Variants in MEI4 observed in about 807,000 individuals in gnomAD.
MEI4 encodes the protein meiosis-specific protein MEI4.
MEI4 carries 27 observed loss-of-function variants against 31.4 expected under a neutral mutation model. That is an observed-to-expected ratio of 0.86 (90% CI 0.63 to 1.19). The LOEUF is 1.19. Ranked by LOEUF, MEI4 falls within the 50% of genes most tolerant of loss-of-function variation. The pLI, the probability that MEI4 is intolerant of heterozygous loss-of-function variation, is 0.00. For synonymous variants in MEI4, 122 were observed against 145.4 expected, an observed-to-expected ratio of 0.84 and a Z score of 1.16; for missense variants, 329 against 398.9, an observed-to-expected ratio of 0.82 and a Z score of 1.49.
chr6:77,729,132 A>G (rs1766904694), intron 2 of MEI4, among the ~76,000 whole-genome samples: 2 of 152,198 alleles, frequency 1.3e-5, no homozygotes, highest in African/African-American at 4.8e-5. Context: ...GGAAGTAGGA[A>G]GACATTCTTG....
At chr6:77,872,582 A>C (rs1305637519) in intron 4 of MEI4, among the ~76,000 whole-genome samples, 2 of 151,594 alleles carry the variant, frequency 1.3e-5, no homozygotes, top group African/African-American at 4.8e-5. Flanking sequence ...TATTTATTTT[A>C]TTTTATTATT....
chr6:77,917,106 T>C (rs1056082926), intron 4 of MEI4, among the ~76,000 whole-genome samples: 1 of 151,992 alleles, frequency 6.6e-6, no homozygotes, highest in Non-Finnish European at 1.5e-5. Flanking sequence ...GAACTCATCA[T>C]TTTTTATGGC....
chr6:77,897,536 C>A (rs528615673), intron 4 of MEI4, among the ~76,000 whole-genome samples: 1 of 151,902 alleles, frequency 6.6e-6, no homozygotes, highest in Admixed American at 6.6e-5. Context: ...ATATCTTTCA[C>A]AAATACTTAT....
At chr6:77,743,498 T>C (rs375539200) in intron 2 of MEI4, among the ~76,000 whole-genome samples, 1 of 152,302 alleles carries the variant, frequency 6.6e-6, no homozygotes, top group East Asian at 1.9e-4. Context: ...CTGAAGTTGC[T>C]TATCAGCTTA....
intron 3 of MEI4, among the ~76,000 whole-genome samples, chr6:77,784,253 AATATCTTTGTTTTTGATGATTTAAT>A (rs1768672301): frequency 6.6e-6 from 1 of 152,124 alleles, no homozygotes; most frequent in Non-Finnish European, 1.5e-5. Context: ...GAAAGAACAA[AATATCTTTGTTTTTGATGATTTAAT>A]ATGGGTACTA....
chr6:77,709,154 T>A (rs1766399144), intron 2 of MEI4, among the ~76,000 whole-genome samples: 2 of 152,204 alleles, frequency 1.3e-5, no homozygotes, highest in South Asian at 4.1e-4. Context: ...TGCTTATATA[T>A]CTTTAATACA....
At chr6:77,754,871 C>A (rs920942271) in intron 2 of MEI4, among the ~76,000 whole-genome samples, 1 of 152,144 alleles carries the variant, frequency 6.6e-6, no homozygotes, top group Non-Finnish European at 1.5e-5. Context: ...AACGACACAG[C>A]AGTAACCACC....
chr6:77,734,773 T>C (rs9352517), intron 2 of MEI4, among the ~76,000 whole-genome samples: 45,355 of 151,830 alleles, frequency 0.3, 7,038 homozygotes, highest in East Asian at 0.48. Flanking sequence ...TGGCTGTTAC[T>C]GGTTGTTCCT....
chr6:77,702,546 C>A (rs1766248161), intron 2 of MEI4, among the ~76,000 whole-genome samples: 1 of 152,174 alleles, frequency 6.6e-6, no homozygotes, highest in Non-Finnish European at 1.5e-5. Flanking sequence ...TCTCTGGAAT[C>A]TCTGCATTTC....
intron 2 of MEI4, among the ~76,000 whole-genome samples, chr6:77,708,546 T>C (rs66655182): frequency 0.15 from 22,588 of 152,150 alleles, 1,816 homozygotes; most frequent in East Asian, 0.27. Context: ...GACATGAAAT[T>C]TGGGGTGCCA....
intron 3 of MEI4, among the ~76,000 whole-genome samples, chr6:77,763,118 C>T: frequency 6.6e-6 from 1 of 152,026 alleles, no homozygotes. Flanking sequence ...TAAACCTATA[C>T]AAGAGTAGCC....
chr6:77,818,605 CTATAT>C (rs1267287149), intron 3 of MEI4, among the ~76,000 whole-genome samples: 1 of 152,026 alleles, frequency 6.6e-6, no homozygotes, highest in African/African-American at 2.4e-5. Context: ...ACATTTTTTT[CTATAT>C]TATATTGTAA....
At chr6:77,793,886 T>A (rs1769007069) in intron 3 of MEI4, among the ~76,000 whole-genome samples, 1 of 151,988 alleles carries the variant, frequency 6.6e-6, no homozygotes, top group African/African-American at 2.4e-5. Context: ...ACAAAGGAAT[T>A]ACAAAACAGT....
chr6:77,802,966 C>T (rs1211675026), intron 3 of MEI4, among the ~76,000 whole-genome samples: 5 of 152,160 alleles, frequency 3.3e-5, no homozygotes, highest in South Asian at 2.1e-4. Flanking sequence ...TTGCTCTTCT[C>T]GAGGAGTATC....
At chr6:77,714,671 G>T (rs763160608) in intron 2 of MEI4, among the ~76,000 whole-genome samples, 1 of 152,162 alleles carries the variant, frequency 6.6e-6, no homozygotes, top group Non-Finnish European at 1.5e-5. Context: ...TGTGCACCCA[G>T]AATTTCTTTT....
chr6:77,705,221 A>G (rs2127657920), intron 2 of MEI4, among the ~76,000 whole-genome samples: 1 of 152,224 alleles, frequency 6.6e-6, no homozygotes, highest in Admixed American at 6.5e-5. Context: ...AAGTACCCAT[A>G]TGTGAGGAGA....
Position 77,880,644 on chromosome 6 carries a change from G to A in MEI4, c.901-42445G>A, listed in dbSNP as rs537974212. On this transcript the variant is annotated intron_variant, in intron 4 of 4. Transcript: ENST00000684080. Reference sequence around the variant, plus strand: ...TACTCTGAAAGAATCTGGGAAGAACGTACCCAAGCGTTCTTGACCTCTTAA... The same window carrying A: ...TACTCTGAAAGAATCTGGGAAGAACATACCCAAGCGTTCTTGACCTCTTAA... Among the ~76,000 whole-genome samples, 60 of 152,182 alleles carry A rather than the reference G, an allele frequency of 3.9e-4. 1 individual carries two copies. The highest frequency in any genetic ancestry group is 1.4e-3 in the African/African-American group (58 of 41,526).
At chr6:77,693,910 A>G (rs1335592233) in intron 2 of MEI4, among the ~76,000 whole-genome samples, 2 of 152,122 alleles carry the variant, frequency 1.3e-5, no homozygotes, top group Non-Finnish European at 2.9e-5. Context: ...GAGTGTGTAG[A>G]GACAGAAAGT....
intron 4 of MEI4, among the ~76,000 whole-genome samples, chr6:77,891,646 G>A (rs1471885487): frequency 6.6e-6 from 1 of 151,794 alleles, no homozygotes; most frequent in Non-Finnish European, 1.5e-5. Flanking sequence ...ATCATTTAAC[G>A]AAGAATTATT....
Sources: allele counts gnomAD v4.1 joint callset (sites outside exome capture counted in the v4.1 genomes callset), GRCh38; gene constraint gnomAD v4.1.1; transcripts MANE v1.5; gene names NCBI Gene and HGNC (gene_info 2026-07-23, HGNC 2026-07-21).